The following CASP10 variants were observed in gnomAD, a reference collection of about 807,000 sequenced individuals.
CASP10 encodes caspase 10, also known as caspase-10.
A neutral mutation model predicts 48.5 loss-of-function variants in CASP10; 41 were observed. The ratio of observed to expected loss-of-function variants is 0.85; its 90% CI spans 0.66 to 1.10. The LOEUF (loss-of-function observed/expected upper bound fraction) is 1.10, where lower values mean the gene tolerates loss of function less well. Ranked by LOEUF, CASP10 falls within the 50% of genes least tolerant of loss-of-function variation. The pLI, the probability that CASP10 is intolerant of heterozygous loss-of-function variation, is 0.00. For missense variants in CASP10, 614 were observed against 614.5 expected (o/e 1.00, Z 0.01); for synonymous variants, 232 against 238.4 (o/e 0.97, Z 0.25).
intron 8 of CASP10, among the ~76,000 whole-genome samples, chr2:201,208,806 G>A (rs559968597): frequency 5.9e-5 from 9 of 152,022 alleles, no homozygotes; most frequent in African/African-American, 1.7e-4. Context: ...AGCCTCCCGA[G>A]TAGCAGGGAT....
At chr2:201,186,153 AG>A in intron 2 of CASP10, 29 bp downstream of exon 2, 18 of 1,499,200 alleles carry the variant, frequency 1.2e-5, no homozygotes, top group Non-Finnish European at 1.6e-5. Flanking sequence ...TGGAGATGGG[AG>A]GATCTCCCAT....
chr2:201,188,171 GTTTTGT>G (rs886484880), intron 3 of CASP10, among the ~76,000 whole-genome samples: 1 of 152,078 alleles, frequency 6.6e-6, no homozygotes, highest in African/African-American at 2.4e-5. Flanking sequence ...AATCTGTTGT[GTTTTGT>G]TTTTGTTTTT....
intron 9 of CASP10, chr2:201,213,728 T>G (rs1945477644): frequency 6.6e-6 from 1 of 152,212 alleles, no homozygotes. Flanking sequence ...TGAGGATAAT[T>G]GCACTGGTAA....
At chr2:201,215,211 G>GTTTTTTTTTTTTTTTT (rs10616229) in intron 9 of CASP10, among the ~76,000 whole-genome samples, 13 of 29,914 alleles carry the variant, frequency 4.3e-4, no homozygotes, top group African/African-American at 7.9e-4. Flanking sequence ...TCTTCCCTCG[G>GTTTTTTTTTTTTTTTT]TTTTTTTTTT....
chr2:201,202,628 G>A (rs539588740), intron 5 of CASP10, among the ~76,000 whole-genome samples: 57 of 152,324 alleles, frequency 3.7e-4, no homozygotes, highest in Non-Finnish European at 6.5e-4. Context: ...CTACAGGAAG[G>A]GAACAGTGGC....
intron 9 of CASP10, chr2:201,214,279 G>A (rs1945498011): frequency 6.6e-6 from 1 of 152,078 alleles, no homozygotes; most frequent in Non-Finnish European, 1.5e-5. Flanking sequence ...ATTAAGATAG[G>A]GATAAGTGTA....
chr2:201,186,059 C>A lies in CASP10; in HGVS notation c.282C>A (p.His94Gln), dbSNP rs370492434. Reference sequence around the variant, plus strand: ...TACGGCAGAAGAAGCTGCTGCAGCACCTCAACTGTACCAAAGAGGAAGTGG... The same window carrying A: ...TACGGCAGAAGAAGCTGCTGCAGCAACTCAACTGTACCAAAGAGGAAGTGG... ...YIIRQKKLLQ[H>Q]LNCTKEEVER... Residue 94 changes from histidine to glutamine, a missense_variant, in exon 2 of 10, where the codon CAC (histidine) becomes CAA (glutamine). Coordinates refer to ENST00000286186, the MANE Select transcript of CASP10 (RefSeq NM_032977.4). The A allele has an allele frequency of 6.2e-7, 1 of 1,612,734 alleles. No homozygotes were observed.
At position 201,221,038 on chromosome 2, in the gene CASP10, T is replaced by A; in HGVS notation, c.*3297T>A. On this transcript the variant is annotated 3_prime_UTR_variant, in exon 10 of 10. Coordinates refer to ENST00000286186, the MANE Select transcript of CASP10 (RefSeq NM_032977.4). ...GAATGTGTCCTATGTGTGCATCTAT[T>A]TAAATCTAACTGTGCTGAGGTGCAT... 1 of 985,424 alleles carries A rather than the reference T, an allele frequency of 1.0e-6. No homozygotes were observed. The highest frequency in any genetic ancestry group is 4.7e-5 in the South Asian group (1 of 21,286). 61.0% of individuals were successfully genotyped at this position (985,424 alleles called of 1,614,324 possible). A position where few individuals can be genotyped will look rare whatever the true frequency, so the allele number is the denominator to read the frequency against.
At chr2:201,190,662 G>C (rs1198198495) in intron 3 of CASP10, among the ~76,000 whole-genome samples, 1 of 152,078 alleles carries the variant, frequency 6.6e-6, no homozygotes, top group Non-Finnish European at 1.5e-5. Context: ...CCCGTCCTAT[G>C]TTAGGGACTC....
In CASP10 at chr2:201,203,675, T is replaced by C. The variant is rs370244097; in HGVS notation, c.685-55T>C. 5.3e-6 allele frequency: 8 copies of C among 1,499,406 alleles called. No individual in the cohort carries two copies. In the African/African-American group the frequency reaches 1.1e-4, roughly 21 times the overall value. 92.9% of individuals were successfully genotyped at this position (1,499,406 alleles called of 1,614,324 possible). On this transcript the variant is annotated intron_variant, in intron 5 of 9. Transcript: ENST00000286186. ...CTGCATCAAGTCTAGTTTTTGTTCCTCATCCTAACTGTGTGAAATTCCTAT... is the reference window on the plus strand; with the variant it reads ...CTGCATCAAGTCTAGTTTTTGTTCCCCATCCTAACTGTGTGAAATTCCTAT...
At chr2:201,208,250 A>AT in intron 8 of CASP10, 67 bp downstream of exon 8, 2 of 1,551,870 alleles carry the variant, frequency 1.3e-6, no homozygotes, top group Non-Finnish European at 1.7e-6. Flanking sequence ...TTATTTTCAC[A>AT]TTTTCTTTCT....
chr2:201,206,454 T>C (rs1945208722), intron 7 of CASP10, among the ~76,000 whole-genome samples: 1 of 150,516 alleles, frequency 6.6e-6, no homozygotes, highest in South Asian at 2.1e-4. Flanking sequence ...TATATATATA[T>C]TGAATTTTAA....
chr2:201,193,184 A>G, intron 4 of CASP10, 65 bp downstream of exon 4: 2 of 1,505,704 alleles, frequency 1.3e-6, no homozygotes, highest in Non-Finnish European at 9.2e-7. Flanking sequence ...TTGGCCATGC[A>G]TGATGTTTTG....
rs1576077368 is a variant in CASP10 at position 201,191,649 on chromosome 2, C to T, written c.442-1335C>T. 2.0e-5 allele frequency among the ~76,000 whole-genome samples: 3 copies of T among 152,308 alleles called. No individual in the cohort carries two copies. The Middle Eastern group carries it at 0.01, about 518-fold the overall frequency. On this transcript the variant is annotated intron_variant, in intron 3 of 9. Transcript: ENST00000286186. ...CACCATTGGAAAAGGGCCTGAACAC[C>T]CCTCAGCCAAAACGGAAAGGTTCTA...
intron 3 of CASP10, among the ~76,000 whole-genome samples, chr2:201,191,109 G>A (rs1944597302): frequency 6.6e-6 from 1 of 152,072 alleles, no homozygotes; most frequent in African/African-American, 2.4e-5. Context: ...TGATCCACCT[G>A]CCTCAGCCTC....
chr2:201,203,649 C>G, intron 5 of CASP10, 81 bp from the exon 6 acceptor site: 1 of 1,221,172 alleles, frequency 8.2e-7, no homozygotes, highest in Admixed American at 1.7e-5. Context: ...TCTGTCCTTC[C>G]CTGCATCAAG....
intron 6 of CASP10, among the ~76,000 whole-genome samples, chr2:201,203,970 G>T (rs553646684): frequency 3.7e-4 from 56 of 152,282 alleles, no homozygotes; most frequent in Middle Eastern, 3.4e-3. Context: ...AGGGCTGGGT[G>T]GTTTCTGCTC....
rs566712253 is a variant in CASP10, at chr2:201,185,088, C to G, written c.-7-683C>G. Among the ~76,000 whole-genome samples, 57 of 152,184 alleles carry G rather than the reference C, an allele frequency of 3.7e-4. No homozygotes were observed. The South Asian group carries it at 6.7e-3, about 18-fold the overall frequency. Reference sequence around the variant, plus strand: ...CTCACTGCAACCTGTGCTCCCCAGGCTCAAATGATCCTTCCATCCTCGGCC... The same window carrying G: ...CTCACTGCAACCTGTGCTCCCCAGGGTCAAATGATCCTTCCATCCTCGGCC... On this transcript the variant is annotated intron_variant, in intron 1 of 9. Coordinates refer to ENST00000286186, the MANE Select transcript of CASP10 (RefSeq NM_032977.4).
Position 201,202,632 on chromosome 2 carries a change from C to T in CASP10, c.685-1098C>T, listed in dbSNP as rs140942937. On this transcript the variant is annotated intron_variant, in intron 5 of 9. Transcript: ENST00000286186. ...AATCTAGGATTCTACAGGAAGGGAA[C>T]AGTGGCTTATGAAAAGAAAGGCAGG... 4.2e-3 allele frequency among the ~76,000 whole-genome samples: 643 copies of T among 152,284 alleles called. 4 individuals are homozygous for T. Among genetic ancestry groups the T allele is most frequent in the African/African-American group, 0.015 (605 of 41,558 alleles).
Sources: gnomAD v4.1 joint callset for allele counts (sites outside exome capture counted in the v4.1 genomes callset) on GRCh38, gnomAD v4.1.1 for gene constraint, MANE v1.5 for transcripts, NCBI Gene and HGNC (gene_info 2026-07-23, HGNC 2026-07-21) for gene names.